GPRC5C: variants seen among roughly 807,000 people sequenced by gnomAD.
GPRC5C encodes G protein-coupled receptor family C group 5 member C.
A neutral mutation model predicts 31.4 loss-of-function variants in GPRC5C; 22 were observed. The ratio of observed to expected loss-of-function variants is 0.70; its 90% CI spans 0.50 to 1.00. GPRC5C has a LOEUF of 1.00. GPRC5C is among the 50% of genes least tolerant of loss of function. The pLI, the probability that GPRC5C is intolerant of heterozygous loss-of-function variation, is 0.00. For missense variants in GPRC5C, 557 were observed against 597.2 expected, an observed-to-expected ratio of 0.93 and a Z score of 0.70; for synonymous variants, 249 against 257.5, an observed-to-expected ratio of 0.97 and a Z score of 0.32.
chr17:74,433,746 C>T (rs2055389837), intron 1 of GPRC5C: 2 of 1,612,906 alleles, frequency 1.2e-6, no homozygotes, highest in South Asian at 2.2e-5. Context: ...TGAAGACAGC[C>T]ATTGGCCATG....
chr17:74,440,965 C>T lies in GPRC5C; in HGVS notation c.1051+138C>T. On this transcript the variant is annotated intron_variant, in intron 2 of 3. Coordinates refer to ENST00000392627, the MANE Select transcript of GPRC5C (RefSeq NM_022036.4). The surrounding 1 kb of genome is among the most constrained non-coding windows in gnomAD (Gnocchi z 4.4). ...TTTTCTGCCTAAGTGTCTCTAAATT[C>T]CATTTAATTTAAAGATTTTTTTTTT... 1.5e-6 allele frequency: 1 copy of T among 685,520 alleles called. No individual in the cohort carries two copies. The highest frequency in any genetic ancestry group is 2.1e-6 in the Non-Finnish European group (1 of 485,104). The allele number at this position is 685,520 out of a possible 1,614,324, so 42.5% of individuals were successfully genotyped here.
At chr17:74,448,856 AC>A (rs1246531006), downstream of GPRC5C, 1 of 1,289,722 alleles carries the variant, frequency 7.8e-7, no homozygotes, top group East Asian at 5.6e-5. Flanking sequence ...CCAGGCCAAC[AC>A]CAACCAGGTT....
At chr17:74,450,676 C>G (rs946576175), downstream of GPRC5C, 1 of 152,164 alleles carries the variant, frequency 6.6e-6, no homozygotes, top group East Asian at 1.9e-4. Context: ...TTTGAGCCCT[C>G]GGACATGCTC....
At chr17:74,433,064 C>G (rs1352395401) in intron 1 of GPRC5C, among the ~76,000 whole-genome samples, 1 of 152,178 alleles carries the variant, frequency 6.6e-6, no homozygotes, top group Non-Finnish European at 1.5e-5. Context: ...AGATCCCGAA[C>G]CCCCACTCCC....
chr17:74,445,003 A>T (rs1175730334), intron 3 of GPRC5C, among the ~76,000 whole-genome samples: 1 of 152,172 alleles, frequency 6.6e-6, no homozygotes, highest in Non-Finnish European at 1.5e-5. Flanking sequence ...TAATCCCAGT[A>T]CTTTGAGAGG....
At chr17:74,443,128 C>A (rs1487901586) in intron 2 of GPRC5C, 2 of 166,934 alleles carry the variant, frequency 1.2e-5, no homozygotes, top group Non-Finnish European at 2.6e-5. Context: ...TGCTCCGAGG[C>A]CCCGGGGTGC....
intron 3 of GPRC5C, among the ~76,000 whole-genome samples, chr17:74,444,634 G>A (rs777098080): frequency 2.6e-5 from 4 of 152,124 alleles, no homozygotes; most frequent in Non-Finnish European, 2.9e-5. Context: ...TGAGAGCCGC[G>A]GGGCAGGGGG....
At position 74,440,584 on chromosome 17, in the gene GPRC5C, C is replaced by T. The variant is rs146531363; in HGVS notation, c.808C>T (p.His270Tyr). 1.9e-6 allele frequency: 3 copies of T among 1,613,988 alleles called. No homozygotes were observed. Among genetic ancestry groups the T allele is most frequent in the Non-Finnish European group, 2.5e-6 (3 of 1,179,962 alleles). ...CATGTATACTTACGGCAACAAGCAGCACAACAGTCCCACCTGGGATGACCC... is the reference window on the plus strand; with the variant it reads ...CATGTATACTTACGGCAACAAGCAGTACAACAGTCCCACCTGGGATGACCC... ...IVMYTYGNKQ[H>Y]NSPTWDDPTL... Residue 270 changes from histidine (H) to tyrosine (Y), a missense_variant, in exon 2 of 4, where the codon CAC (histidine) becomes TAC (tyrosine). By Grantham distance (83) the His-to-Tyr change is moderately conservative. Transcript: ENST00000392627. The surrounding 1 kb of genome is among the most constrained non-coding windows in gnomAD (Gnocchi z 4.4).
At chr17:74,446,780 T>C in intron 3 of GPRC5C, 69 bp from the exon 4 acceptor site, 2 of 1,233,988 alleles carry the variant, frequency 1.6e-6, no homozygotes, top group Non-Finnish European at 2.4e-6. Flanking sequence ...CAGGAAGTGT[T>C]TGTGCATCCG....
At position 74,440,047 on chromosome 17, in the gene GPRC5C, G is replaced by C; in HGVS notation, c.271G>C (p.Val91Leu). 1.2e-6 allele frequency: 2 copies of C among 1,612,024 alleles called. No individual in the cohort carries two copies. Residue 91 changes from valine to leucine, a missense_variant, in exon 2 of 4, where the codon GTA (valine) becomes CTA (leucine). By Grantham distance (32) the Val-to-Leu change is conservative. Transcript: ENST00000392627. This position sits in a 1 kb window ranked among gnomAD's most constrained non-coding sequence, Gnocchi z 4.4. Reference protein sequence around the residue: ...TKKRSLLGTQVFFLLGTLGLF... With the variant: ...TKKRSLLGTQLFFLLGTLGLF... ...GAAACGGAGCCTGCTGGGGACCCAGGTATTCTTCCTTCTGGGGACCCTGGG... is the reference window on the plus strand; with the variant it reads ...GAAACGGAGCCTGCTGGGGACCCAGCTATTCTTCCTTCTGGGGACCCTGGG...
chr17:74,432,266 CAGCCCACCCTCGCCGAAAGCAAGG>C, intron 1 of GPRC5C, 125 bp downstream of exon 1: 5 of 1,496,330 alleles, frequency 3.3e-6, no homozygotes, highest in Non-Finnish European at 4.5e-6. Flanking sequence ...ATGCAGGCTC[CAGCCCACCCTCGCCGAAAGCAAGG>C]AGCCCTGCCT....
rs367868727 is a variant in GPRC5C at position 74,446,864 on chromosome 17, G to A, written c.1162G>A (p.Asp388Asn). 46 of 1,612,792 alleles carry A rather than the reference G, an allele frequency of 2.9e-5. No individual in the cohort carries two copies. Among genetic ancestry groups the A allele is most frequent in the South Asian group, 1.8e-4 (16 of 91,040 alleles). ...TTCCTTCCAGTCCGAAGGAGCTTAC[G>A]ACATCATCCTCCCACGGGCCACCGC... ...MHKVPSEGAY[D>N]IILPRATANS... Residue 388 changes from aspartate (D) to asparagine (N), a missense_variant, in exon 4 of 4, where the codon GAC becomes AAC. Asp to Asn is a conservative substitution (Grantham distance 23). Coordinates refer to ENST00000392627, the MANE Select transcript of GPRC5C (RefSeq NM_022036.4).
chr17:74,448,877 C>T (rs555554251), downstream of GPRC5C: 6 of 1,289,832 alleles, frequency 4.7e-6, no homozygotes, highest in East Asian at 2.8e-4. Context: ...TTTCCTAAGA[C>T]TCTGACGTCC....
intron 1 of GPRC5C, among the ~76,000 whole-genome samples, chr17:74,438,535 A>T (rs2055477685): frequency 6.6e-6 from 1 of 151,992 alleles, no homozygotes; most frequent in South Asian, 2.1e-4. Context: ...TGCTGGGATT[A>T]CAGGCGTGAG....
At position 74,440,187 on chromosome 17, in the gene GPRC5C, C is replaced by T. The variant is rs754273656; in HGVS notation, c.411C>T (p.His137=). Residue 137 remains histidine, a synonymous_variant, in exon 2 of 4, where the codon CAC becomes CAT. Transcript: ENST00000392627. This position sits in a 1 kb window ranked among gnomAD's most constrained non-coding sequence, Gnocchi z 4.4. ...FAICFSCLAA[H]VFALNFLARK... is the part of the protein sequence containing the mutation. ...TCTGCTTCTCTTGTCTGGCGGCTCA[C>T]GTCTTTGCCCTCAACTTCCTGGCCC... is the stretch of plus-strand genomic sequence containing the variant. The T allele has an allele frequency of 8.1e-6, 13 of 1,614,106 alleles. No homozygotes were observed. The highest frequency in any genetic ancestry group is 5.3e-5 in the African/African-American group (4 of 74,926).
intron 1 of GPRC5C, among the ~76,000 whole-genome samples, chr17:74,433,114 G>A (rs1394312414): frequency 6.6e-6 from 1 of 151,966 alleles, no homozygotes; most frequent in Admixed American, 6.6e-5. Context: ...CCATCCCCAG[G>A]CCCGCAGTGT....
In GPRC5C at chr17:74,440,133, G is replaced by A. The variant is rs779870519; in HGVS notation, c.357G>A (p.Arg119=). Residue 119 remains arginine, a synonymous_variant, in exon 2 of 4, where the codon CGG becomes CGA. Transcript: ENST00000392627. The surrounding 1 kb of genome is among the most constrained non-coding windows in gnomAD (Gnocchi z 4.4). ...CCGACTTCTCCACCTGTGCCTCTCG[G>A]CGCTTCCTCTTTGGGGTTCTGTTCG... ...VKPDFSTCAS[R]RFLFGVLFAI... is the part of the protein sequence containing the mutation. The A allele has an allele frequency of 6.2e-7, 1 of 1,614,164 alleles. No homozygotes were observed. The highest frequency in any genetic ancestry group is 1.1e-5 in the South Asian group (1 of 91,092).
At chr17:74,441,461 C>T (rs543702151) in intron 2 of GPRC5C, among the ~76,000 whole-genome samples, 1 of 152,188 alleles carries the variant, frequency 6.6e-6, no homozygotes, top group South Asian at 2.1e-4. Context: ...ATCTATGTGC[C>T]TTTGTTTCTC....
At chr17:74,435,637 AG>A (rs1444826373) in intron 1 of GPRC5C, among the ~76,000 whole-genome samples, 15 of 152,330 alleles carry the variant, frequency 9.8e-5, no homozygotes, top group African/African-American at 3.6e-4. Context: ...CAGGTGCAGA[AG>A]GAAGTTGCTG....
Sources: allele counts gnomAD v4.1 joint callset (sites outside exome capture counted in the v4.1 genomes callset), GRCh38; gene constraint gnomAD v4.1.1; non-coding constraint Gnocchi (gnomAD v3.1); transcripts MANE v1.5; gene names NCBI Gene and HGNC (gene_info 2026-07-23, HGNC 2026-07-21).